The following DACH2 variants were observed in gnomAD, a reference collection of about 807,000 sequenced individuals.
DACH2 encodes dachshund homolog 2.
Under a neutral mutation model 35.8 loss-of-function variants are expected in DACH2, and 17 were observed. The ratio of observed to expected loss-of-function variants is 0.48; its 90% CI spans 0.33 to 0.71. DACH2 has a LOEUF of 0.71. DACH2 is among the 30% of genes least tolerant of loss of function. The pLI is 0.02. For missense variants in DACH2, 469 were observed against 472.7 expected (o/e 0.99, Z 0.07); for synonymous variants, 195 against 177.3 (o/e 1.10, Z -0.79).
intron 7 of DACH2, among the ~76,000 whole-genome samples, chrX:86,808,986 A>G (rs764166908): frequency 6.9e-4 from 77 of 111,805 alleles, no homozygotes; most frequent in African/African-American, 2.4e-3. Flanking sequence ...CAACTTTTAT[A>G]TCTATTCATC....
At chrX:86,719,326 TACTAA>T (rs2041374075) in intron 6 of DACH2, among the ~76,000 whole-genome samples, 1 of 112,290 alleles carries the variant, frequency 8.9e-6, no homozygotes, top group African/African-American at 3.2e-5. Flanking sequence ...CTTCAAACTT[TACTAA>T]ACTAATTTCT....
At chrX:86,333,797 T>C (rs1302250229) in intron 1 of DACH2, among the ~76,000 whole-genome samples, 3 of 111,382 alleles carry the variant, frequency 2.7e-5, no homozygotes, top group Non-Finnish European at 5.7e-5. Context: ...GGGATACATG[T>C]GCCAGAAAGT....
intron 2 of DACH2, among the ~76,000 whole-genome samples, chrX:86,505,298 C>T (rs1261526699): frequency 8.9e-6 from 1 of 111,843 alleles, no homozygotes; most frequent in East Asian, 2.8e-4. Flanking sequence ...ATACACATAA[C>T]ATAAAATGTA....
At chrX:86,697,771 G>A (rs1214967860) in intron 5 of DACH2, among the ~76,000 whole-genome samples, 1 of 111,047 alleles carries the variant, frequency 9.0e-6, no homozygotes, top group Non-Finnish European at 1.9e-5. Flanking sequence ...ACAGAGCCAA[G>A]GAAAGAATCA....
intron 2 of DACH2, among the ~76,000 whole-genome samples, chrX:86,436,266 G>T (rs183766926): frequency 9.1e-6 from 1 of 110,464 alleles, no homozygotes; most frequent in Non-Finnish European, 1.9e-5. Flanking sequence ...CTCTTCAGTA[G>T]TGTTCCACAT....
rs1298466670 is a variant in DACH2, at chrX:86,578,461, C to T, written c.640+64070C>T. The stretch of plus-strand genomic sequence containing the variant: ...AAAATCCATTATTTACTCAGATTTC[C>T]TTGGTTATTAATTCATATTTATTTG... On this transcript the variant is annotated intron_variant, in intron 3 of 11. Coordinates refer to ENST00000373125, the MANE Select transcript of DACH2 (RefSeq NM_053281.3). 3.6e-5 allele frequency among the ~76,000 whole-genome samples: 4 copies of T among 110,832 alleles called. No homozygotes were observed. In the Admixed American group the frequency reaches 3.9e-4, roughly 11 times the overall value.
chrX:86,702,157 T>A (rs1235621727), intron 5 of DACH2, among the ~76,000 whole-genome samples: 1 of 111,726 alleles, frequency 9.0e-6, no homozygotes, highest in Non-Finnish European at 1.9e-5. Flanking sequence ...AATTAAACAA[T>A]CTGCTCTTGA....
chrX:86,544,782 G>A (rs182112371), intron 3 of DACH2, among the ~76,000 whole-genome samples: 8 of 111,622 alleles, frequency 7.2e-5, no homozygotes, highest in African/African-American at 2.0e-4. Context: ...GATCAAATCC[G>A]CGCATGCCAA....
At chrX:86,163,431 C>CT (rs1272017925) in intron 1 of DACH2, among the ~76,000 whole-genome samples, 1 of 110,074 alleles carries the variant, frequency 9.1e-6, no homozygotes, top group East Asian at 2.9e-4. Flanking sequence ...ACCACATTTT[C>CT]TTTTTTTTAA....
intron 1 of DACH2, among the ~76,000 whole-genome samples, chrX:86,342,382 T>C (rs2035427322): frequency 9.0e-6 from 1 of 110,591 alleles, no homozygotes; most frequent in Non-Finnish European, 1.9e-5. Flanking sequence ...ACACCTATAG[T>C]CCCAGATACC....
At chrX:86,180,340 T>C (rs1216740597) in intron 1 of DACH2, among the ~76,000 whole-genome samples, 1 of 105,843 alleles carries the variant, frequency 9.4e-6, no homozygotes, top group Non-Finnish European at 1.9e-5. Context: ...GAGTCAGCAA[T>C]CATAATGTTC....
chrX:86,693,992 T>TA (rs1268948663), intron 4 of DACH2, among the ~76,000 whole-genome samples: 2 of 31,050 alleles, frequency 6.4e-5, no homozygotes, highest in African/African-American at 5.8e-4. Flanking sequence ...TTTTTCTACA[T>TA]TAAAAAAAAC....
intron 1 of DACH2, among the ~76,000 whole-genome samples, chrX:86,184,903 T>C (rs1462983639): frequency 9.0e-6 from 1 of 111,285 alleles, no homozygotes; most frequent in Non-Finnish European, 1.9e-5. Flanking sequence ...TTTTTTTTTC[T>C]TTATTCAAAG....
chrX:86,535,365 C>G (rs1429737367), intron 3 of DACH2, among the ~76,000 whole-genome samples: 1 of 111,177 alleles, frequency 9.0e-6, no homozygotes, highest in Non-Finnish European at 1.9e-5. Context: ...AATTATAAAC[C>G]AAAAGTAATA....
chrX:86,219,830 A>G (rs145454772), intron 1 of DACH2, among the ~76,000 whole-genome samples: 1,326 of 109,497 alleles, frequency 0.012, 26 homozygotes, highest in African/African-American at 0.042. Flanking sequence ...CATAACTACA[A>G]TCAAGGTAAT....
chrX:86,597,082 T>A (rs1394317422), intron 3 of DACH2, among the ~76,000 whole-genome samples: 2 of 111,837 alleles, frequency 1.8e-5, no homozygotes, highest in Non-Finnish European at 3.8e-5. Flanking sequence ...CCCTGAGCAC[T>A]GTTTTTCTTT....
At chrX:86,614,152 C>A (rs1383326361) in intron 3 of DACH2, among the ~76,000 whole-genome samples, 1 of 111,633 alleles carries the variant, frequency 9.0e-6, no homozygotes, top group Non-Finnish European at 1.9e-5. Context: ...GATTTTTATA[C>A]AGGCACCTTG....
At chrX:86,615,692 C>T (rs775924223) in intron 3 of DACH2, among the ~76,000 whole-genome samples, 20 of 110,566 alleles carry the variant, frequency 1.8e-4, no homozygotes, top group Admixed American at 7.7e-4. Context: ...TCTTTCTCTC[C>T]CCTCATCCTG....
intron 3 of DACH2, among the ~76,000 whole-genome samples, chrX:86,543,729 G>T (rs191398361): frequency 6.6e-5 from 7 of 106,329 alleles, no homozygotes; most frequent in Admixed American, 5.1e-4. Flanking sequence ...TCCAACTATC[G>T]CAAGAACCAA....
Sources: allele counts gnomAD v4.1 joint callset (sites outside exome capture counted in the v4.1 genomes callset), GRCh38; gene constraint gnomAD v4.1.1; transcripts MANE v1.5; gene names NCBI Gene and HGNC (gene_info 2026-07-23, HGNC 2026-07-21).